Variants in HS6ST3 observed in about 807,000 individuals in gnomAD.
HS6ST3 encodes heparan sulfate 6-O-sulfotransferase 3.
In HS6ST3, 12 loss-of-function variants were observed where a neutral mutation model predicts 36.7. The observed-to-expected ratio is 0.33, with a 90% CI of 0.21 to 0.53. The LOEUF is 0.53. Ranked by LOEUF, HS6ST3 falls within the 20% of genes least tolerant of loss-of-function variation. HS6ST3 has a pLI of 0.95. For missense variants in HS6ST3, 584 were observed against 640.9 expected, an observed-to-expected ratio of 0.91 and a Z score of 0.96; for synonymous variants, 240 against 257.5, an observed-to-expected ratio of 0.93 and a Z score of 0.65.
intron 1 of HS6ST3, among the ~76,000 whole-genome samples, chr13:96,823,509 G>A (rs895799199): frequency 1.3e-5 from 2 of 152,038 alleles, no homozygotes; most frequent in Non-Finnish European, 2.9e-5. Context: ...AATATGTTGT[G>A]CATTATGAAT....
At chr13:96,211,937 G>A (rs2054401106) in intron 1 of HS6ST3, among the ~76,000 whole-genome samples, 1 of 152,172 alleles carries the variant, frequency 6.6e-6, no homozygotes. Context: ...GTTACAGAAA[G>A]GATAGGCAAT....
intron 1 of HS6ST3, among the ~76,000 whole-genome samples, chr13:96,244,275 C>G (rs902105451): frequency 2.6e-5 from 4 of 152,116 alleles, no homozygotes; most frequent in African/African-American, 9.7e-5. Context: ...GATAATCTCA[C>G]AGGTGTACTG....
chr13:96,551,004 G>A (rs1216042889), intron 1 of HS6ST3, among the ~76,000 whole-genome samples: 1 of 152,178 alleles, frequency 6.6e-6, no homozygotes, highest in East Asian at 1.9e-4. Flanking sequence ...AGACTTCAAA[G>A]GTAGAATTTA....
intron 1 of HS6ST3, among the ~76,000 whole-genome samples, chr13:96,529,052 T>C (rs887040716): frequency 6.6e-6 from 1 of 152,168 alleles, no homozygotes. Flanking sequence ...ATTTCTAATA[T>C]GTATCATTTT....
chr13:96,800,903 T>G (rs953893279), intron 1 of HS6ST3, among the ~76,000 whole-genome samples: 9 of 152,098 alleles, frequency 5.9e-5, no homozygotes, highest in African/African-American at 1.9e-4. Flanking sequence ...TTGGTGGCCC[T>G]CTAGTTACTG....
chr13:96,486,913 T>C (rs1039969592), intron 1 of HS6ST3, among the ~76,000 whole-genome samples: 3 of 152,202 alleles, frequency 2.0e-5, no homozygotes, highest in Non-Finnish European at 2.9e-5. Context: ...ACTTCATCAA[T>C]AGAAAAAATG....
chr13:96,814,940 T>C (rs1180322443), intron 1 of HS6ST3, among the ~76,000 whole-genome samples: 1 of 152,206 alleles, frequency 6.6e-6, no homozygotes, highest in East Asian at 1.9e-4. Flanking sequence ...TTCTTGACAG[T>C]CCATTTATAT....
In HS6ST3 at chr13:96,300,505, G is replaced by C. The variant is rs1337706829; in HGVS notation, c.707+208936G>C. On this transcript the variant is annotated intron_variant, in intron 1 of 1. Coordinates refer to ENST00000376705, the MANE Select transcript of HS6ST3 (RefSeq NM_153456.4). Reference sequence around the variant, plus strand: ...TACAATTAAATCTGAGCTTTGGGCGGTGATACAGAGCCAAACCATATCAGA... The same window carrying C: ...TACAATTAAATCTGAGCTTTGGGCGCTGATACAGAGCCAAACCATATCAGA... 1.8e-4 allele frequency among the ~76,000 whole-genome samples: 27 copies of C among 152,104 alleles called. 2 individuals are homozygous for C. The highest frequency in any genetic ancestry group is 1.8e-3 in the Admixed American group (27 of 15,264).
chr13:96,359,596 C>T (rs769690909), intron 1 of HS6ST3, among the ~76,000 whole-genome samples: 30 of 152,064 alleles, frequency 2.0e-4, no homozygotes, highest in Admixed American at 1.2e-3. Context: ...CTGGTTTTAA[C>T]AAGATTTGTA....
intron 1 of HS6ST3, among the ~76,000 whole-genome samples, chr13:96,438,719 AT>A (rs2055654959): frequency 6.6e-6 from 1 of 152,200 alleles, no homozygotes; most frequent in South Asian, 2.1e-4. Context: ...GTCGTGAGAA[AT>A]TGTCTACAAG....
chr13:96,112,907 A>G (rs2053877576), intron 1 of HS6ST3, among the ~76,000 whole-genome samples: 1 of 152,056 alleles, frequency 6.6e-6, no homozygotes, highest in East Asian at 1.9e-4. Flanking sequence ...GTAAGATTAG[A>G]TGATATTCCT....
At chr13:96,757,445 C>T (rs1876859343) in intron 1 of HS6ST3, among the ~76,000 whole-genome samples, 1 of 152,120 alleles carries the variant, frequency 6.6e-6, no homozygotes, top group Non-Finnish European at 1.5e-5. Context: ...GATTTTACTT[C>T]TCCCTTTTCA....
chr13:96,334,957 C>T (rs2055092702), intron 1 of HS6ST3, among the ~76,000 whole-genome samples: 1 of 152,204 alleles, frequency 6.6e-6, no homozygotes, highest in South Asian at 2.1e-4. Flanking sequence ...TTAGCTCTCC[C>T]ATCAGTTGGT....
intron 1 of HS6ST3, among the ~76,000 whole-genome samples, chr13:96,472,117 G>A (rs2138891226): frequency 6.6e-6 from 1 of 152,352 alleles, no homozygotes; most frequent in South Asian, 2.1e-4. Flanking sequence ...CAAGCTAAAT[G>A]TTGGTGAGAT....
intron 1 of HS6ST3, among the ~76,000 whole-genome samples, chr13:96,688,764 C>T (rs1421447515): frequency 6.6e-6 from 1 of 151,992 alleles, no homozygotes; most frequent in African/African-American, 2.4e-5. Flanking sequence ...ATGCAAAGGA[C>T]CCCACTTGAT....
chr13:96,617,315 T>C (rs960640496), intron 1 of HS6ST3, among the ~76,000 whole-genome samples: 3 of 152,248 alleles, frequency 2.0e-5, no homozygotes, highest in African/African-American at 7.2e-5. Context: ...TCTTGGCTTC[T>C]CAGTGTATTC....
At chr13:96,527,543 G>A (rs911048453) in intron 1 of HS6ST3, among the ~76,000 whole-genome samples, 1 of 152,168 alleles carries the variant, frequency 6.6e-6, no homozygotes, top group African/African-American at 2.4e-5. Context: ...AGCAGAGTAC[G>A]AGAATTTCCT....
intron 1 of HS6ST3, among the ~76,000 whole-genome samples, chr13:96,570,580 C>A (rs2056297481): frequency 6.6e-6 from 1 of 152,196 alleles, no homozygotes; most frequent in African/African-American, 2.4e-5. Flanking sequence ...AATCTATGCA[C>A]CCCTTGCCTC....
At chr13:96,509,952 C>T (rs960373820) in intron 1 of HS6ST3, among the ~76,000 whole-genome samples, 5 of 152,046 alleles carry the variant, frequency 3.3e-5, no homozygotes, top group African/African-American at 1.2e-4. Flanking sequence ...CATTTTTACA[C>T]TATTGATTCT....
Sources: gnomAD v4.1 joint callset for allele counts (sites outside exome capture counted in the v4.1 genomes callset) on GRCh38, gnomAD v4.1.1 for gene constraint, MANE v1.5 for transcripts, NCBI Gene and HGNC (gene_info 2026-07-23, HGNC 2026-07-21) for gene names.